Variants in FLRT3 observed in about 807,000 individuals in gnomAD.
FLRT3 encodes the protein leucine-rich repeat transmembrane protein FLRT3.
A neutral mutation model predicts 42.6 loss-of-function variants in FLRT3; 17 were observed. The observed-to-expected ratio is 0.40, with a 90% CI of 0.27 to 0.60. The LOEUF (loss-of-function observed/expected upper bound fraction) is 0.60. Among genes scored for constraint, FLRT3 ranks in the 20% least tolerant of loss-of-function variants. The pLI is 0.44. For synonymous variants in FLRT3, 279 were observed against 286.4 expected, an observed-to-expected ratio of 0.97 and a Z score of 0.26; for missense variants, 635 against 789.2, an observed-to-expected ratio of 0.80 and a Z score of 2.34.
Position 14,325,523 on chromosome 20 carries a change from C to T in FLRT3, c.*34G>A, listed in dbSNP as rs756492451. 3 of 1,566,056 alleles carry T rather than the reference C, an allele frequency of 1.9e-6. No homozygotes were observed. The highest frequency in any genetic ancestry group is 1.2e-5 in the South Asian group (1 of 81,246). On this transcript the variant is annotated 3_prime_UTR_variant, in exon 3 of 3. Coordinates refer to ENST00000341420, the MANE Select transcript of FLRT3 (RefSeq NM_198391.3). ...CATCACCTCCCTTAGGTTTAAAAAA[C>T]CCAAAACACAAGTCTGCTGTGAGTC...
At position 14,326,643 on chromosome 20, in the gene FLRT3, C is replaced by T. The variant is rs765363483; in HGVS notation, c.864G>A (p.Gln288=). The change falls in exon 3 of 3, where the codon CAG becomes CAA. Residue 288 remains glutamine, a synonymous_variant. Transcript: ENST00000341420. This position sits in a 1 kb window ranked among gnomAD's most constrained non-coding sequence, Gnocchi z 5.5. ...MSNNNLSNLP[Q]GIFDDLDNIT... is the part of the protein sequence containing the mutation. ...TATTGTCCAAATCATCAAAGATACC[C>T]TGAGGTAAATTACTTAGGTTATTAT... 1 of 1,613,738 alleles carries T rather than the reference C, an allele frequency of 6.2e-7. No individual in the cohort carries two copies. The highest frequency in any genetic ancestry group is 1.1e-5 in the South Asian group (1 of 91,074).
intron 1 of FLRT3, among the ~76,000 whole-genome samples, chr20:14,334,806 T>A (rs1368401125): frequency 3.6e-4 from 53 of 147,802 alleles, no homozygotes; most frequent in South Asian, 2.1e-4. Context: ...TTTTTTTTTT[T>A]AAATAAATGG....
At chr20:14,335,137 C>T (rs1158946968) in intron 1 of FLRT3, among the ~76,000 whole-genome samples, 1 of 152,112 alleles carries the variant, frequency 6.6e-6, no homozygotes, top group Non-Finnish European at 1.5e-5. Flanking sequence ...AAGGAGGAAG[C>T]CTTAGGGTGT....
Position 14,337,546 on chromosome 20 carries a change from C to G in FLRT3, c.-389G>C, listed in dbSNP as rs577898119. On this transcript the variant is annotated 5_prime_UTR_variant, in exon 1 of 3. Coordinates refer to ENST00000341420, the MANE Select transcript of FLRT3 (RefSeq NM_198391.3). Reference sequence around the variant, plus strand: ...AAGCCCACGGCAGCTGCAGGCTGAGCTTGTCCTGCTTCAGATCACTCCTAC... The same window carrying G: ...AAGCCCACGGCAGCTGCAGGCTGAGGTTGTCCTGCTTCAGATCACTCCTAC... 2.5e-6 allele frequency: 1 copy of G among 398,512 alleles called. No individual in the cohort carries two copies. Among genetic ancestry groups the G allele is most frequent in the Admixed American group, 4.4e-5 (1 of 22,704 alleles). 24.7% of individuals were successfully genotyped at this position (398,512 alleles called of 1,614,324 possible).
At chr20:14,334,154 T>C (rs1028999922) in intron 1 of FLRT3, among the ~76,000 whole-genome samples, 9 of 152,222 alleles carry the variant, frequency 5.9e-5, no homozygotes, top group African/African-American at 2.2e-4. Flanking sequence ...GCTTTCTACT[T>C]AAAATCTGTT....
intron 1 of FLRT3, among the ~76,000 whole-genome samples, chr20:14,334,660 G>A (rs576905167): frequency 7.9e-5 from 12 of 151,964 alleles, no homozygotes; most frequent in Middle Eastern, 3.4e-3. Context: ...GCAAAAGGTG[G>A]GGGGTGGGAG....
At position 14,324,373 on chromosome 20, in the gene FLRT3, A is replaced by T. The variant is rs1463507684; in HGVS notation, c.*1184T>A. 6.6e-6 allele frequency: 1 copy of T among 152,566 alleles called. No homozygotes were observed. The highest frequency in any genetic ancestry group is 1.5e-5 in the Non-Finnish European group (1 of 68,034). The allele number at this position is 152,566 out of a possible 1,614,324, so 9.5% of individuals were successfully genotyped here. ...CACAATTCAGTAGGAAGCTAGAAGG[A>T]AATGTTACATTACGAGTTCATTATA... On this transcript the variant is annotated 3_prime_UTR_variant, in exon 3 of 3. Transcript: ENST00000341420.
rs566407852 is a variant in FLRT3, at chr20:14,324,891, A to C, written c.*666T>G. 65 of 152,556 alleles carry C rather than the reference A, an allele frequency of 4.3e-4. No homozygotes were observed. The highest frequency in any genetic ancestry group is 5.9e-4 in the Non-Finnish European group (40 of 68,006). The allele number at this position is 152,556 out of a possible 1,614,324, so 9.5% of individuals were successfully genotyped here. The stretch of plus-strand genomic sequence containing the variant: ...CTTTAACAGACTTCATGCTCCTTTT[A>C]TGCCAGCTGATGTATTCAGTTCAGA... On this transcript the variant is annotated 3_prime_UTR_variant, in exon 3 of 3. Transcript: ENST00000341420.
chr20:14,325,623 A>T lies in FLRT3; in HGVS notation c.1884T>A (p.Ser628Arg). The stretch of plus-strand genomic sequence containing the variant: ...TGTAGCTTCGGTTACTACTGCTTTC[A>T]CTGTGATTGTTTTTGTACAGATTCA... ...NGMNLYKNNH[S>R]ESSSNRSYRD... The change falls in exon 3 of 3, where the codon AGT becomes AGA. Residue 628 changes from serine to arginine, a missense_variant. By Grantham distance (110) the Ser-to-Arg change is moderately radical. Transcript: ENST00000341420. 1 of 1,613,592 alleles carries T rather than the reference A, an allele frequency of 6.2e-7. No individual in the cohort carries two copies. The highest frequency in any genetic ancestry group is 8.5e-7 in the Non-Finnish European group (1 of 1,179,684).
rs1016294450 is a variant in FLRT3, at chr20:14,324,004, T to A, written c.*1553A>T. 1 of 152,184 alleles carries A rather than the reference T, an allele frequency of 6.6e-6. No homozygotes were observed. Among genetic ancestry groups the A allele is most frequent in the Non-Finnish European group, 1.5e-5 (1 of 68,022 alleles). The allele number at this position is 152,184 out of a possible 1,614,324, so 9.4% of individuals were successfully genotyped here. ...ACACAACCTCAAGATGTTGATTTTT[T>A]AAAATTTTTAGCCAACTTTTATTTT... On this transcript the variant is annotated 3_prime_UTR_variant, in exon 3 of 3. Transcript: ENST00000341420.
chr20:14,333,942 C>G (rs138921766), intron 1 of FLRT3, among the ~76,000 whole-genome samples: 2 of 152,272 alleles, frequency 1.3e-5, no homozygotes, highest in East Asian at 3.9e-4. Flanking sequence ...GTAACTTGTG[C>G]ACATGTAAAG....
intron 2 of FLRT3, 51 bp from the exon 3 acceptor site, chr20:14,327,609 G>A: frequency 8.0e-7 from 1 of 1,257,282 alleles, no homozygotes; most frequent in Non-Finnish European, 1.1e-6. Flanking sequence ...CCAGCATACT[G>A]AATATAATGT....
At chr20:14,328,589 C>T (rs535959413) in intron 2 of FLRT3, among the ~76,000 whole-genome samples, 2 of 152,104 alleles carry the variant, frequency 1.3e-5, no homozygotes, top group Admixed American at 6.6e-5. Flanking sequence ...CCTTATTGAA[C>T]GATGTGAGTA....
chr20:14,332,201 T>TG (rs1027110885), intron 1 of FLRT3, among the ~76,000 whole-genome samples: 16 of 152,226 alleles, frequency 1.1e-4, no homozygotes, highest in African/African-American at 3.8e-4. Flanking sequence ...ATAAAAATTG[T>TG]GGGGTTTTTT....
rs774603254 is a variant in FLRT3 at position 14,326,254 on chromosome 20, A to G, written c.1253T>C (p.Val418Ala). The change falls in exon 3 of 3, where the codon GTC becomes GCC. Residue 418 changes from valine to alanine, a missense_variant. Coordinates refer to ENST00000341420, the MANE Select transcript of FLRT3 (RefSeq NM_198391.3). The surrounding 1 kb of genome is among the most constrained non-coding windows in gnomAD (Gnocchi z 5.5). ...RKTITITVKS[V>A]TSDTIHISWK... The stretch of plus-strand genomic sequence containing the variant: ...AGAGATATGAATGGTATCAGAGGTG[A>G]CAGACTTCACAGTAATTGTAATTGT... 1.2e-6 allele frequency: 2 copies of G among 1,613,946 alleles called. No homozygotes were observed. Among genetic ancestry groups the G allele is most frequent in the Non-Finnish European group, 1.7e-6 (2 of 1,179,882 alleles).
In FLRT3 at chr20:14,324,753, A is replaced by G. The variant is rs954786848; in HGVS notation, c.*804T>C. On this transcript the variant is annotated 3_prime_UTR_variant, in exon 3 of 3. Transcript: ENST00000341420. ...TTGGTATTTGTGTTCATTACACTAT[A>G]CAAGTCTAAGTTTCCATGTTTTCCT... The G allele has an allele frequency of 6.6e-6, 1 of 152,170 alleles. No homozygotes were observed. The highest frequency in any genetic ancestry group is 2.4e-5 in the African/African-American group (1 of 41,452). The allele number at this position is 152,170 out of a possible 1,614,324, so 9.4% of individuals were successfully genotyped here. A position where few individuals can be genotyped will look rare whatever the true frequency, so the allele number is the denominator to read the frequency against.
In FLRT3 at chr20:14,326,690, G is replaced by T. The variant is rs1568558608; in HGVS notation, c.817C>A (p.Leu273Ile). 4.3e-6 allele frequency: 7 copies of T among 1,613,760 alleles called. No individual in the cohort carries two copies. The highest frequency in any genetic ancestry group is 5.1e-6 in the Non-Finnish European group (6 of 1,179,824). ...TTATTGGACATATCCAGTCGATAGA[G>T]CTGCCTTAGATAAGAAAAAGCATTT... The part of the protein sequence containing the change: ...PPNAFSYLRQ[L>I]YRLDMSNNNL... Residue 273 changes from leucine to isoleucine, a missense_variant, in exon 3 of 3, where the codon CTC becomes ATC. By Grantham distance (5) the Leu-to-Ile change is conservative. Coordinates refer to ENST00000341420, the MANE Select transcript of FLRT3 (RefSeq NM_198391.3). This position sits in a 1 kb window ranked among gnomAD's most constrained non-coding sequence, Gnocchi z 5.5.
At chr20:14,336,143 A>T (rs2082932436) in intron 1 of FLRT3, among the ~76,000 whole-genome samples, 2 of 152,284 alleles carry the variant, frequency 1.3e-5, no homozygotes, top group Middle Eastern at 3.4e-3. Context: ...GCAGTCAGAG[A>T]TAAATGAAAG....
In FLRT3 at chr20:14,325,961, C is replaced by T. The variant is rs2082726411; in HGVS notation, c.1546G>A (p.Glu516Lys). 6.2e-7 allele frequency: 1 copy of T among 1,613,848 alleles called. No homozygotes were observed. Among genetic ancestry groups the T allele is most frequent in the Non-Finnish European group, 8.5e-7 (1 of 1,179,876 alleles). ...MYNPTTTLNR[E>K]QEKEPYKNPN... Reference sequence around the variant, plus strand: ...TTTTTGTAAGGTTCTTTCTCTTGCTCTCGATTGAGGGTGGTTGTAGGGTTG... The same window carrying T: ...TTTTTGTAAGGTTCTTTCTCTTGCTTTCGATTGAGGGTGGTTGTAGGGTTG... Residue 516 changes from glutamate to lysine, a missense_variant, in exon 3 of 3, where the codon GAG (glutamate) becomes AAG (lysine). Coordinates refer to ENST00000341420, the MANE Select transcript of FLRT3 (RefSeq NM_198391.3).
Sources: gnomAD v4.1 joint callset for allele counts (sites outside exome capture counted in the v4.1 genomes callset) on GRCh38, gnomAD v4.1.1 for gene constraint, Gnocchi (gnomAD v3.1) non-coding constraint, MANE v1.5 for transcripts, NCBI Gene and HGNC (gene_info 2026-07-23, HGNC 2026-07-21) for gene names.